The following LRMDA variants were observed in gnomAD, a reference collection of about 807,000 sequenced individuals.
LRMDA encodes the protein leucine rich melanocyte differentiation associated.
LRMDA carries 18 observed loss-of-function variants against 29.8 expected under a neutral mutation model. The observed-to-expected ratio is 0.60, with a 90% CI of 0.42 to 0.90. LRMDA has a LOEUF of 0.90. LRMDA is among the 40% of genes least tolerant of loss of function. The probability of loss-of-function intolerance (pLI) is 0.00; values close to 1 mark genes in which losing one functional copy is unlikely to be tolerated. For synonymous variants in LRMDA, 125 were observed against 109.4 expected, an observed-to-expected ratio of 1.14 and a Z score of -0.89; for missense variants, 273 against 273.9, an observed-to-expected ratio of 1.00 and a Z score of 0.02.
intron 2 of LRMDA, among the ~76,000 whole-genome samples, chr10:75,519,819 G>A (rs1011056985): frequency 4.6e-5 from 7 of 152,138 alleles, no homozygotes; most frequent in South Asian, 2.1e-4. Flanking sequence ...GGCTGGTACC[G>A]GTTGTTCCTT....
intron 5 of LRMDA, among the ~76,000 whole-genome samples, chr10:76,223,925 C>T (rs1851898893): frequency 6.6e-6 from 1 of 152,138 alleles, no homozygotes; most frequent in Non-Finnish European, 1.5e-5. Flanking sequence ...TATCCCTTGG[C>T]CTCAGCCTTC....
intron 6 of LRMDA, among the ~76,000 whole-genome samples, chr10:76,443,686 A>AT (rs1842326624): frequency 6.6e-6 from 1 of 152,096 alleles, no homozygotes; most frequent in Non-Finnish European, 1.5e-5. Flanking sequence ...GGTAGGTGAG[A>AT]TTTTTCATAT....
chr10:75,497,454 G>T (rs1366066286), intron 2 of LRMDA, among the ~76,000 whole-genome samples: 1 of 151,498 alleles, frequency 6.6e-6, no homozygotes, highest in Non-Finnish European at 1.5e-5. Context: ...ATTTTCTAGA[G>T]TTCGATATTT....
At chr10:75,444,655 T>G (rs954156767) in intron 2 of LRMDA, among the ~76,000 whole-genome samples, 8 of 152,182 alleles carry the variant, frequency 5.3e-5, no homozygotes, top group African/African-American at 1.7e-4. Context: ...GAGTCCAATG[T>G]CTAGTGTGAA....
intron 5 of LRMDA, among the ~76,000 whole-genome samples, chr10:76,096,922 GCTTA>G (rs1849320363): frequency 6.6e-6 from 1 of 151,914 alleles, no homozygotes; most frequent in South Asian, 2.1e-4. Flanking sequence ...ACTTTGCTAA[GCTTA>G]CTTATTATTT....
At chr10:75,775,645 C>T (rs960906959) in intron 2 of LRMDA, among the ~76,000 whole-genome samples, 1 of 152,132 alleles carries the variant, frequency 6.6e-6, no homozygotes, top group South Asian at 2.1e-4. Flanking sequence ...AGCTCTTGTG[C>T]GTGGGGAAAC....
intron 6 of LRMDA, among the ~76,000 whole-genome samples, chr10:76,370,247 AC>A (rs1396838596): frequency 3.9e-5 from 6 of 152,052 alleles, no homozygotes; most frequent in African/African-American, 1.4e-4. Context: ...GTAAAAAAAA[AC>A]AAAACAAACA....
chr10:75,677,286 C>T (rs2454812), intron 2 of LRMDA, among the ~76,000 whole-genome samples: 87,286 of 151,968 alleles, frequency 0.57, 29,723 homozygotes, highest in Non-Finnish European at 0.75. Context: ...AAGAGTTACA[C>T]GGGCTGGCTG....
At chr10:75,593,430 T>G (rs1479059185) in intron 2 of LRMDA, among the ~76,000 whole-genome samples, 1 of 152,240 alleles carries the variant, frequency 6.6e-6, no homozygotes, top group African/African-American at 2.4e-5. Context: ...TGTTATACCT[T>G]TGTGGGGCTG....
chr10:76,246,405 C>G (rs1015881538), intron 5 of LRMDA, among the ~76,000 whole-genome samples: 4 of 152,194 alleles, frequency 2.6e-5, no homozygotes, highest in Non-Finnish European at 5.9e-5. Flanking sequence ...CACACCTCCT[C>G]TCATGTCTCA....
intron 6 of LRMDA, among the ~76,000 whole-genome samples, chr10:76,341,817 G>A (rs1469995598): frequency 1.3e-5 from 2 of 152,130 alleles, no homozygotes; most frequent in Non-Finnish European, 2.9e-5. Flanking sequence ...TAGCCTAGTA[G>A]CAGAGTTCTA....
At chr10:76,090,675 A>C (rs548335838) in intron 5 of LRMDA, among the ~76,000 whole-genome samples, 19 of 152,350 alleles carry the variant, frequency 1.2e-4, no homozygotes, top group Admixed American at 4.6e-4. Flanking sequence ...CAGTATATTC[A>C]GTGGAATATT....
intron 2 of LRMDA, among the ~76,000 whole-genome samples, chr10:75,991,308 A>C (rs571232031): frequency 2.6e-5 from 4 of 152,192 alleles, no homozygotes; most frequent in Non-Finnish European, 5.9e-5. Context: ...CGGTCTCAGA[A>C]TACAATAAAA....
chr10:75,607,074 C>G (rs1480793987), intron 2 of LRMDA, among the ~76,000 whole-genome samples: 3 of 152,130 alleles, frequency 2.0e-5, no homozygotes, highest in African/African-American at 7.2e-5. Flanking sequence ...ATTTATGCAG[C>G]CACTTGAATT....
At chr10:75,544,240 T>C (rs752248778) in intron 2 of LRMDA, among the ~76,000 whole-genome samples, 1 of 152,230 alleles carries the variant, frequency 6.6e-6, no homozygotes, top group Non-Finnish European at 1.5e-5. Flanking sequence ...AAGATTTGGC[T>C]GTGTTTATTT....
At chr10:76,420,685 G>C (rs1842063315) in intron 6 of LRMDA, among the ~76,000 whole-genome samples, 1 of 151,864 alleles carries the variant, frequency 6.6e-6, no homozygotes, top group Non-Finnish European at 1.5e-5. Context: ...TCTAAGCGTG[G>C]CTTTAGCTGT....
chr10:75,891,112 A>T (rs950703474), intron 2 of LRMDA, among the ~76,000 whole-genome samples: 1 of 138,190 alleles, frequency 7.2e-6, no homozygotes, highest in Non-Finnish European at 1.6e-5. Context: ...CTCACAAAAA[A>T]AAAAAAGAAA....
chr10:75,946,622 T>C (rs1039060370), intron 2 of LRMDA, among the ~76,000 whole-genome samples: 1 of 152,220 alleles, frequency 6.6e-6, no homozygotes, highest in Non-Finnish European at 1.5e-5. Context: ...AGCTCCTTCT[T>C]GGGCTTTGGA....
chr10:76,199,164 G>A (rs1276857843), intron 5 of LRMDA, among the ~76,000 whole-genome samples: 1 of 152,128 alleles, frequency 6.6e-6, no homozygotes, highest in Non-Finnish European at 1.5e-5. Context: ...ATTAAATTTT[G>A]TTTTGGAACT....
Sources: gnomAD v4.1 joint callset for allele counts (sites outside exome capture counted in the v4.1 genomes callset) on GRCh38, gnomAD v4.1.1 for gene constraint, MANE v1.5 for transcripts, NCBI Gene and HGNC (gene_info 2026-07-23, HGNC 2026-07-21) for gene names.